TRIM9: variants seen among roughly 807,000 people sequenced by gnomAD.
TRIM9 encodes tripartite motif containing 9.
In TRIM9, 26 loss-of-function variants were observed where a neutral mutation model predicts 78.3. The ratio of observed to expected loss-of-function variants is 0.33; its 90% CI spans 0.24 to 0.46. The LOEUF (loss-of-function observed/expected upper bound fraction) is 0.46, where lower values mean the gene tolerates loss of function less well. Among genes scored for constraint, TRIM9 ranks in the 20% least tolerant of loss-of-function variants. The pLI is 1.00. For synonymous variants in TRIM9, 398 were observed against 416.5 expected, an observed-to-expected ratio of 0.96 and a Z score of 0.54; for missense variants, 787 against 1,036.4, an observed-to-expected ratio of 0.76 and a Z score of 3.30.
intron 1 of TRIM9, among the ~76,000 whole-genome samples, chr14:51,041,786 T>A (rs2059595324): frequency 6.6e-6 from 1 of 151,740 alleles, no homozygotes; most frequent in Non-Finnish European, 1.5e-5. Context: ...TAAAAAATTT[T>A]AAAGCCTAAT....
intron 1 of TRIM9, among the ~76,000 whole-genome samples, chr14:51,066,991 T>C (rs2061802477): frequency 6.6e-6 from 1 of 152,212 alleles, no homozygotes; most frequent in Non-Finnish European, 1.5e-5. Context: ...CCAAATTTAG[T>C]TTAATTTAAC....
chr14:51,022,692 CTTTCTG>C, intron 3 of TRIM9, 137 bp downstream of exon 3: 1 of 1,297,606 alleles, frequency 7.7e-7, no homozygotes, highest in Non-Finnish European at 1.0e-6. Context: ...GTGTCTGTTC[CTTTCTG>C]GCCAGACCAC....
At chr14:51,084,054 G>T (rs2063543385) in intron 1 of TRIM9, among the ~76,000 whole-genome samples, 1 of 152,136 alleles carries the variant, frequency 6.6e-6, no homozygotes, top group South Asian at 2.1e-4. Context: ...TTTTTAGCTT[G>T]ATAGTATTTA....
At chr14:51,019,310 T>C (rs2057521858) in intron 3 of TRIM9, among the ~76,000 whole-genome samples, 1 of 152,244 alleles carries the variant, frequency 6.6e-6, no homozygotes, top group South Asian at 2.1e-4. Context: ...CCTCAGTAGC[T>C]TTCTGACATT....
intron 3 of TRIM9, 147 bp downstream of exon 3, chr14:51,022,688 G>T: frequency 8.0e-7 from 1 of 1,249,478 alleles, no homozygotes; most frequent in South Asian, 1.6e-5. Flanking sequence ...GGAGGTGTCT[G>T]TTCCTTTCTG....
intron 1 of TRIM9, among the ~76,000 whole-genome samples, chr14:51,084,064 A>G (rs1185113133): frequency 6.6e-6 from 1 of 152,238 alleles, no homozygotes; most frequent in Non-Finnish European, 1.5e-5. Flanking sequence ...GATAGTATTT[A>G]AAAATATATG....
chr14:51,085,418 T>C (rs1170315528), intron 1 of TRIM9, among the ~76,000 whole-genome samples: 1 of 123,648 alleles, frequency 8.1e-6, no homozygotes, highest in African/African-American at 3.5e-5. Flanking sequence ...GCAGTTCTGC[T>C]TCTATGCAAG....
intron 1 of TRIM9, among the ~76,000 whole-genome samples, chr14:51,093,880 G>A (rs995074393): frequency 6.6e-6 from 1 of 152,248 alleles, no homozygotes; most frequent in Non-Finnish European, 1.5e-5. Flanking sequence ...AGCGCGCCCC[G>A]AGAGACCCGC....
chr14:51,064,116 G>C (rs1376110328), intron 1 of TRIM9, among the ~76,000 whole-genome samples: 2 of 152,064 alleles, frequency 1.3e-5, no homozygotes, highest in Non-Finnish European at 2.9e-5. Context: ...ATGGTTGCAA[G>C]GTTCTGATAT....
At chr14:50,995,773 G>GAA (rs71121617) in intron 7 of TRIM9, among the ~76,000 whole-genome samples, 6 of 147,740 alleles carry the variant, frequency 4.1e-5, no homozygotes, top group Non-Finnish European at 9.0e-5. Context: ...TACCAGCAAA[G>GAA]AAAAAAAAAA....
At chr14:51,067,429 A>G (rs2061843782) in intron 1 of TRIM9, among the ~76,000 whole-genome samples, 1 of 152,152 alleles carries the variant, frequency 6.6e-6, no homozygotes, top group African/African-American at 2.4e-5. Flanking sequence ...TAAAAATGCA[A>G]ATCAGATTAC....
intron 1 of TRIM9, among the ~76,000 whole-genome samples, chr14:51,033,250 A>T (rs888363294): frequency 6.6e-6 from 1 of 151,962 alleles, no homozygotes; most frequent in Non-Finnish European, 1.5e-5. Flanking sequence ...GTGCCACCAC[A>T]CCTGGCTAAA....
chr14:50,996,441 C>T, intron 7 of TRIM9: 1 of 985,422 alleles, frequency 1.0e-6, no homozygotes, highest in Non-Finnish European at 1.2e-6. Flanking sequence ...GGCTGTTATG[C>T]TAATAACTGA....
intron 7 of TRIM9, chr14:50,997,571 C>A: frequency 1.0e-6 from 1 of 1,000,618 alleles, no homozygotes; most frequent in Non-Finnish European, 1.2e-6. Context: ...CACCCCACCA[C>A]CCATTTGAAA....
intron 3 of TRIM9, 44 bp from the exon 4 acceptor site, chr14:51,010,538 G>T: frequency 6.8e-7 from 1 of 1,466,164 alleles, no homozygotes; most frequent in South Asian, 1.2e-5. Context: ...AGATGGCAGA[G>T]GGTAGAAGAG....
chr14:51,005,487 G>A (rs2055657747), intron 5 of TRIM9, among the ~76,000 whole-genome samples: 1 of 152,148 alleles, frequency 6.6e-6, no homozygotes, highest in Admixed American at 6.5e-5. Context: ...GGGATTCTTT[G>A]TGTACTTAGA....
intron 1 of TRIM9, among the ~76,000 whole-genome samples, chr14:51,043,921 C>G (rs973728903): frequency 6.6e-6 from 1 of 152,048 alleles, no homozygotes; most frequent in Non-Finnish European, 1.5e-5. Flanking sequence ...TATATTAAAT[C>G]TGGTCATATT....
In TRIM9 at chr14:51,025,253, T is replaced by C; in HGVS notation, c.918+12A>G. ...CCGGCGGGTTTCCTTGCGTCCCAGG[T>C]AACACCCATACCTGGATCTGCTGGA... On this transcript the variant is annotated intron_variant, in intron 2 of 12. Transcript: ENST00000684578. The C allele has an allele frequency of 6.2e-7, 1 of 1,613,222 alleles. No individual in the cohort carries two copies. Among genetic ancestry groups the C allele is most frequent in the South Asian group, 1.1e-5 (1 of 91,026 alleles).
intron 4 of TRIM9, 74 bp downstream of exon 4, chr14:51,010,310 A>G: frequency 8.2e-7 from 1 of 1,220,252 alleles, no homozygotes; most frequent in Non-Finnish European, 1.2e-6. Flanking sequence ...GGCTGTTGGA[A>G]GTCTGACTTA....
Sources: gnomAD v4.1 joint callset for allele counts (sites outside exome capture counted in the v4.1 genomes callset) on GRCh38, gnomAD v4.1.1 for gene constraint, MANE v1.5 for transcripts, NCBI Gene and HGNC (gene_info 2026-07-23, HGNC 2026-07-21) for gene names.